The following SYNDIG1 variants were observed in gnomAD, a reference collection of about 807,000 sequenced individuals.
SYNDIG1 encodes synapse differentiation inducing 1.
A neutral mutation model predicts 19.4 loss-of-function variants in SYNDIG1; 9 were observed. The ratio of observed to expected loss-of-function variants is 0.46; its 90% CI spans 0.28 to 0.81. SYNDIG1 has a LOEUF of 0.81. Ranked by LOEUF, SYNDIG1 falls within the 30% of genes least tolerant of loss-of-function variation. The pLI is 0.12. For synonymous variants in SYNDIG1, 141 were observed against 145.9 expected, an observed-to-expected ratio of 0.97 and a Z score of 0.24; for missense variants, 311 against 343.3, an observed-to-expected ratio of 0.91 and a Z score of 0.74.
chr20:24,542,433 G>T (rs1472565480), intron 1 of SYNDIG1, among the ~76,000 whole-genome samples: 1 of 152,190 alleles, frequency 6.6e-6, no homozygotes, highest in East Asian at 1.9e-4. Flanking sequence ...GCTCCCAGCT[G>T]GTGCTGATGC....
intron 3 of SYNDIG1, among the ~76,000 whole-genome samples, chr20:24,617,990 G>A (rs1362762622): frequency 1.4e-5 from 2 of 144,756 alleles, no homozygotes; most frequent in African/African-American, 2.6e-5. Context: ...TCTGGAGAGC[G>A]GGGAGAGCCT....
intron 3 of SYNDIG1, among the ~76,000 whole-genome samples, chr20:24,641,118 A>C (rs1389753854): frequency 6.6e-6 from 1 of 152,262 alleles, no homozygotes; most frequent in Non-Finnish European, 1.5e-5. Flanking sequence ...ACTACAATCC[A>C]AGAGTTAGAA....
chr20:24,609,793 C>T (rs1811796368), intron 3 of SYNDIG1, among the ~76,000 whole-genome samples: 1 of 152,152 alleles, frequency 6.6e-6, no homozygotes, highest in African/African-American at 2.4e-5. Flanking sequence ...TCTCAGCTCA[C>T]TGTGCAAGGC....
rs540767359 is a variant in SYNDIG1 at position 24,555,895 on chromosome 20, G to A, written c.480+12318G>A. ...CTGTCTCGTTGATCTGTCTAATGTTGACAGTGGGGTGTTAAAGTCTCCCAT... is the reference window on the plus strand; with the variant it reads ...CTGTCTCGTTGATCTGTCTAATGTTAACAGTGGGGTGTTAAAGTCTCCCAT... On this transcript the variant is annotated intron_variant, in intron 2 of 3. Coordinates refer to ENST00000376862, the MANE Select transcript of SYNDIG1 (RefSeq NM_024893.3). Among the ~76,000 whole-genome samples, 25 of 152,260 alleles carry A rather than the reference G, an allele frequency of 1.6e-4. 1 individual carries two copies. The East Asian group carries it at 4.8e-3, about 29-fold the overall frequency.
At chr20:24,601,103 G>A (rs891343967) in intron 3 of SYNDIG1, among the ~76,000 whole-genome samples, 6 of 152,146 alleles carry the variant, frequency 3.9e-5, no homozygotes, top group Non-Finnish European at 7.3e-5. Flanking sequence ...ACAATTATAT[G>A]AATATTTTCC....
At chr20:24,480,008 C>T (rs933218518) in intron 1 of SYNDIG1, among the ~76,000 whole-genome samples, 3 of 152,200 alleles carry the variant, frequency 2.0e-5, no homozygotes, top group South Asian at 2.1e-4. Context: ...CACACGTGCA[C>T]GCGCGCACGC....
intron 3 of SYNDIG1, among the ~76,000 whole-genome samples, chr20:24,613,393 C>A (rs191275026): frequency 3.9e-5 from 6 of 152,302 alleles, no homozygotes; most frequent in African/African-American, 1.4e-4. Flanking sequence ...AACAGAGCTG[C>A]ATGCCCAGAT....
At chr20:24,480,045 C>T in intron 1 of SYNDIG1, among the ~76,000 whole-genome samples, 1 of 152,196 alleles carries the variant, frequency 6.6e-6, no homozygotes, top group East Asian at 1.9e-4. Flanking sequence ...CCCACACCTC[C>T]CCCACCTGCA....
At chr20:24,494,630 A>C (rs910156750) in intron 1 of SYNDIG1, among the ~76,000 whole-genome samples, 40 of 152,180 alleles carry the variant, frequency 2.6e-4, no homozygotes, top group African/African-American at 8.0e-4. Flanking sequence ...GGAGAGGTGC[A>C]TGTGGCCGGG....
intron 1 of SYNDIG1, among the ~76,000 whole-genome samples, chr20:24,504,578 G>C (rs754116472): frequency 6.6e-6 from 1 of 152,136 alleles, no homozygotes; most frequent in Admixed American, 6.5e-5. Context: ...ACCTGAGGCT[G>C]TATTGTCCCT....
intron 3 of SYNDIG1, among the ~76,000 whole-genome samples, chr20:24,603,332 C>T (rs2058706691): frequency 6.6e-6 from 1 of 152,120 alleles, no homozygotes; most frequent in African/African-American, 2.4e-5. Flanking sequence ...CAAGTGTCCC[C>T]AACCCATGGG....
At chr20:24,515,694 C>T (rs553359123) in intron 1 of SYNDIG1, among the ~76,000 whole-genome samples, 51 of 152,152 alleles carry the variant, frequency 3.4e-4, no homozygotes, top group African/African-American at 1.2e-3. Flanking sequence ...AAAGAGGATA[C>T]AAACAAATGG....
chr20:24,563,667 T>C (rs563396723), intron 2 of SYNDIG1, among the ~76,000 whole-genome samples: 1 of 152,340 alleles, frequency 6.6e-6, no homozygotes, highest in East Asian at 1.9e-4. Flanking sequence ...AGTGGCACAA[T>C]CTTGGCTCAG....
chr20:24,647,176 TAAGTA>T (rs2059429901), intron 3 of SYNDIG1, among the ~76,000 whole-genome samples: 1 of 152,210 alleles, frequency 6.6e-6, no homozygotes, highest in Non-Finnish European at 1.5e-5. Flanking sequence ...TTAGAAGGTC[TAAGTA>T]AAGAAGTCAA....
intron 3 of SYNDIG1, among the ~76,000 whole-genome samples, chr20:24,643,747 T>G (rs1024523504): frequency 3.9e-5 from 6 of 152,240 alleles, no homozygotes; most frequent in African/African-American, 1.4e-4. Context: ...AAGTTCTGTG[T>G]GTTTTGACAA....
chr20:24,626,190 G>A (rs1340548110), intron 3 of SYNDIG1, among the ~76,000 whole-genome samples: 28 of 131,656 alleles, frequency 2.1e-4, no homozygotes, highest in South Asian at 1.4e-3. Flanking sequence ...CCTCCCTCCC[G>A]GACGGGGCGG....
intron 3 of SYNDIG1, among the ~76,000 whole-genome samples, chr20:24,626,303 C>A (rs560317341): frequency 7.8e-4 from 118 of 151,878 alleles, no homozygotes; most frequent in African/African-American, 2.7e-3. Flanking sequence ...GGCGGAGGGG[C>A]TCCTCACTTC....
At chr20:24,484,964 T>C (rs1382932205) in intron 1 of SYNDIG1, among the ~76,000 whole-genome samples, 1 of 152,180 alleles carries the variant, frequency 6.6e-6, no homozygotes, top group African/African-American at 2.4e-5. Flanking sequence ...TAGTGAGTTC[T>C]TTCTTCCTTG....
In SYNDIG1 at chr20:24,628,111, C is replaced by T. The variant is rs550104910; in HGVS notation, c.619-37235C>T. Among the ~76,000 whole-genome samples the T allele has an allele frequency of 4.8e-4, 73 of 152,174 alleles. 1 individual carries two copies. Among genetic ancestry groups the T allele is most frequent in the Non-Finnish European group, 4.3e-4 (29 of 68,022 alleles). On this transcript the variant is annotated intron_variant, in intron 3 of 3. Transcript: ENST00000376862. ...AAGCTGGTGAGCTGTGAGTACGGCT[C>T]GCTCTCCGGGGCATCCCCTGCATGC...
Sources: allele counts gnomAD v4.1 joint callset (sites outside exome capture counted in the v4.1 genomes callset), GRCh38; gene constraint gnomAD v4.1.1; transcripts MANE v1.5; gene names NCBI Gene and HGNC (gene_info 2026-07-23, HGNC 2026-07-21).